Variants in CERS6 observed in about 807,000 individuals in gnomAD.
CERS6 encodes ceramide synthase 6.
Under a neutral mutation model 56.8 loss-of-function variants are expected in CERS6, and 26 were observed. The ratio of observed to expected loss-of-function variants is 0.46; its 90% CI spans 0.34 to 0.63. CERS6 has a LOEUF of 0.63. CERS6 is among the 30% of genes least tolerant of loss of function. The pLI is 0.01. For synonymous variants in CERS6, 164 were observed against 173.3 expected, an observed-to-expected ratio of 0.95 and a Z score of 0.42; for missense variants, 415 against 467.5, an observed-to-expected ratio of 0.89 and a Z score of 1.04.
intron 3 of CERS6, among the ~76,000 whole-genome samples, chr2:168,578,298 C>T (rs1253028000): frequency 3.3e-5 from 5 of 151,988 alleles, no homozygotes; most frequent in African/African-American, 1.2e-4. Context: ...ATGGAGCCTA[C>T]TTTGCATATG....
intron 4 of CERS6, among the ~76,000 whole-genome samples, chr2:168,667,160 G>C (rs537636034): frequency 2.6e-5 from 4 of 151,908 alleles, no homozygotes; most frequent in African/African-American, 9.7e-5. Flanking sequence ...TTTCGGATTG[G>C]GATTTTCTGT....
intron 3 of CERS6, among the ~76,000 whole-genome samples, chr2:168,578,924 A>T (rs189114743): frequency 6.6e-6 from 1 of 152,290 alleles, no homozygotes; most frequent in Admixed American, 6.5e-5. Flanking sequence ...TTCATGGCTG[A>T]ACTCAAATCA....
chr2:168,710,124 T>C (rs867795514), intron 6 of CERS6, among the ~76,000 whole-genome samples: 2 of 152,158 alleles, frequency 1.3e-5, no homozygotes, highest in African/African-American at 2.4e-5. Context: ...GCAAAAAACA[T>C]CTTTACAAAG....
intron 3 of CERS6, among the ~76,000 whole-genome samples, chr2:168,596,540 G>A (rs988842806): frequency 6.9e-6 from 1 of 144,630 alleles, no homozygotes. Context: ...TTGTTTCAGG[G>A]CCCCATCCCC....
At chr2:168,620,064 TA>T (rs1684431537) in intron 3 of CERS6, among the ~76,000 whole-genome samples, 1 of 67,854 alleles carries the variant, frequency 1.5e-5, no homozygotes, top group South Asian at 8.2e-4. Context: ...CACACACACA[TA>T]TTTATATATA....
chr2:168,480,625 T>G (rs1313828668), intron 1 of CERS6, among the ~76,000 whole-genome samples: 1 of 152,196 alleles, frequency 6.6e-6, no homozygotes, highest in Non-Finnish European at 1.5e-5. Context: ...AGTGCATATC[T>G]AGAGCCACTA....
At chr2:168,761,839 G>A (rs1405316808) in intron 8 of CERS6, among the ~76,000 whole-genome samples, 2 of 151,934 alleles carry the variant, frequency 1.3e-5, no homozygotes, top group Non-Finnish European at 2.9e-5. Flanking sequence ...AGGAATATAG[G>A]CATTATCCTA....
intron 3 of CERS6, among the ~76,000 whole-genome samples, chr2:168,610,167 C>T (rs534414310): frequency 3.4e-4 from 52 of 151,922 alleles, no homozygotes; most frequent in African/African-American, 1.1e-3. Context: ...TTAGTAGAGA[C>T]GGGGTTTCAC....
At chr2:168,618,929 CTA>C (rs1559022889) in intron 3 of CERS6, among the ~76,000 whole-genome samples, 1 of 152,070 alleles carries the variant, frequency 6.6e-6, no homozygotes, top group East Asian at 1.9e-4. Flanking sequence ...CAAAGCAAGA[CTA>C]TGCAAAAGAA....
chr2:168,721,634 A>C (rs1017062195), intron 8 of CERS6, among the ~76,000 whole-genome samples: 8 of 150,796 alleles, frequency 5.3e-5, no homozygotes, highest in Non-Finnish European at 1.0e-4. Context: ...AAAAAAAAAA[A>C]AACCAACGGG....
chr2:168,692,662 C>T (rs1686535564), intron 5 of CERS6, among the ~76,000 whole-genome samples: 1 of 152,050 alleles, frequency 6.6e-6, no homozygotes, highest in Non-Finnish European at 1.5e-5. Flanking sequence ...AGCATATAGC[C>T]CCCAAAATGT....
At chr2:168,467,931 A>G (rs1402606286) in intron 1 of CERS6, among the ~76,000 whole-genome samples, 1 of 152,196 alleles carries the variant, frequency 6.6e-6, no homozygotes, top group East Asian at 1.9e-4. Flanking sequence ...GCCTGTTTAC[A>G]TAGTTGATGC....
chr2:168,742,423 A>G (rs1683941244), intron 8 of CERS6, among the ~76,000 whole-genome samples: 1 of 152,212 alleles, frequency 6.6e-6, no homozygotes, highest in African/African-American at 2.4e-5. Context: ...TGGTATGGCC[A>G]CGAGGGACAC....
intron 1 of CERS6, among the ~76,000 whole-genome samples, chr2:168,462,578 T>C (rs1693797773): frequency 1.3e-5 from 2 of 152,342 alleles, no homozygotes; most frequent in South Asian, 4.1e-4. Context: ...AGGGCTTCAC[T>C]CCGTTGTCCA....
chr2:168,523,040 A>G (rs1017565453), intron 1 of CERS6, among the ~76,000 whole-genome samples: 1 of 152,258 alleles, frequency 6.6e-6, no homozygotes, highest in African/African-American at 2.4e-5. Context: ...TGAAAGTAAC[A>G]GTACCTGATT....
At chr2:168,521,267 T>TA (rs777399949) in intron 1 of CERS6, among the ~76,000 whole-genome samples, 1 of 152,202 alleles carries the variant, frequency 6.6e-6, no homozygotes, top group Non-Finnish European at 1.5e-5. Context: ...AGTGAAACGT[T>TA]ACAGTTTAAT....
intron 1 of CERS6, among the ~76,000 whole-genome samples, chr2:168,467,635 T>A (rs1031882930): frequency 1.2e-4 from 19 of 152,336 alleles, no homozygotes; most frequent in African/African-American, 4.1e-4. Flanking sequence ...TGTGCAGTAA[T>A]AGACAACATA....
rs144138553 is a variant in CERS6 at position 168,559,857 on chromosome 2, A to C, written c.277-1335A>C. Among the ~76,000 whole-genome samples, 406 of 150,830 alleles carry C rather than the reference A, an allele frequency of 2.7e-3. 4 individuals are homozygous for C. Among genetic ancestry groups the C allele is most frequent in the Non-Finnish European group, 4.4e-3 (301 of 67,678 alleles). ...TTAGTATCAAATCAAAGAAAGATTA[A>C]ATAAACATAGTTAATATTAAGCAAA... On this transcript the variant is annotated intron_variant, in intron 2 of 9. Transcript: ENST00000305747.
chr2:168,458,358 T>G (rs989975673), intron 1 of CERS6, among the ~76,000 whole-genome samples: 27 of 152,376 alleles, frequency 1.8e-4, no homozygotes, highest in African/African-American at 6.3e-4. Context: ...TTCTCTATGC[T>G]GATTCCAGGC....
Sources: allele counts gnomAD v4.1 joint callset (sites outside exome capture counted in the v4.1 genomes callset), GRCh38; gene constraint gnomAD v4.1.1; transcripts MANE v1.5; gene names NCBI Gene and HGNC (gene_info 2026-07-23, HGNC 2026-07-21).